DTNA: variants seen among roughly 807,000 people sequenced by gnomAD.
DTNA encodes dystrobrevin alpha.
DTNA carries 43 observed loss-of-function variants against 100.7 expected under a neutral mutation model. The observed-to-expected ratio is 0.43, with a 90% CI of 0.33 to 0.55. DTNA has a LOEUF of 0.55. Ranked by LOEUF, DTNA falls within the 20% of genes least tolerant of loss-of-function variation. DTNA has a pLI of 0.04. For missense variants in DTNA, 798 were observed against 953.9 expected (o/e 0.84, Z 2.15); for synonymous variants, 349 against 347.9 (o/e 1.00, Z -0.04).
At chr18:34,627,667 GC>G (rs2057508512) in intron 1 of DTNA, among the ~76,000 whole-genome samples, 1 of 152,072 alleles carries the variant, frequency 6.6e-6, no homozygotes, top group Admixed American at 6.6e-5. Context: ...TTTGTCCTTT[GC>G]CTCTCTTGGA....
chr18:34,708,893 CA>C (rs2082439908), upstream of DTNA, among the ~76,000 whole-genome samples: 1 of 152,148 alleles, frequency 6.6e-6, no homozygotes, highest in Non-Finnish European at 1.5e-5. Context: ...AGGAATTTTA[CA>C]GAAGAGTAAA....
chr18:34,845,576 T>C (rs2096362282), intron 13 of DTNA, among the ~76,000 whole-genome samples: 1 of 152,164 alleles, frequency 6.6e-6, no homozygotes, highest in Non-Finnish European at 1.5e-5. Flanking sequence ...CAAAACACTG[T>C]GTTGAATTAG....
intron 1 of DTNA, among the ~76,000 whole-genome samples, chr18:34,494,852 T>C (rs2039008220): frequency 6.6e-6 from 1 of 152,238 alleles, no homozygotes; most frequent in Non-Finnish European, 1.5e-5. Flanking sequence ...ACTTGTATTG[T>C]TGAAGTGTAC....
intron 1 of DTNA, chr18:34,493,838 GC>G (rs2038832388): frequency 6.7e-6 from 1 of 148,340 alleles, no homozygotes; most frequent in African/African-American, 2.4e-5. Context: ...TCGCCTCAAC[GC>G]CCACTCACGG....
chr18:34,779,468 G>A (rs1469027083), intron 3 of DTNA, among the ~76,000 whole-genome samples: 2 of 152,090 alleles, frequency 1.3e-5, no homozygotes, highest in Non-Finnish European at 2.9e-5. Flanking sequence ...AACTTATTTA[G>A]CTTTTTCCTT....
intron 4 of DTNA, among the ~76,000 whole-genome samples, chr18:34,797,787 T>G (rs752393929): frequency 2.6e-5 from 4 of 152,154 alleles, no homozygotes; most frequent in Non-Finnish European, 4.4e-5. Flanking sequence ...TTGATCACCT[T>G]TCCACAGGTC....
rs150998285 is a variant in DTNA, at chr18:34,848,225, CT to C, written c.1347-69del. On this transcript the variant is annotated intron_variant, in intron 13 of 22. Transcript: ENST00000444659. ...CAAAACATTGAAATAGTAAAAACTC[CT>C]TGTGGTAAAATGACTGCAGCAATCT... The C allele has an allele frequency of 2.6e-3, 3,881 of 1,471,590 alleles. 66 individuals are homozygous for C. In the African/African-American group the frequency reaches 0.048, roughly 18 times the overall value. 91.2% of individuals were successfully genotyped at this position (1,471,590 alleles called of 1,614,324 possible). A position where few individuals can be genotyped will look rare whatever the true frequency, so the allele number is the denominator to read the frequency against.
At chr18:34,869,782 G>A (rs1465900590) in intron 17 of DTNA, among the ~76,000 whole-genome samples, 1 of 152,224 alleles carries the variant, frequency 6.6e-6, no homozygotes, top group Admixed American at 6.5e-5. Flanking sequence ...AGCACTTTGG[G>A]AGGCCGAGGC....
intron 11 of DTNA, among the ~76,000 whole-genome samples, chr18:34,831,780 A>C (rs1435569278): frequency 6.6e-6 from 1 of 152,170 alleles, no homozygotes; most frequent in East Asian, 1.9e-4. Context: ...AAAAAATAAA[A>C]AATGATACTG....
chr18:34,797,828 T>C (rs1226023392), intron 4 of DTNA, among the ~76,000 whole-genome samples: 1 of 152,170 alleles, frequency 6.6e-6, no homozygotes, highest in East Asian at 1.9e-4. Flanking sequence ...TCTGCTATTG[T>C]CTTATAGTGC....
At chr18:34,528,565 A>G (rs182538667) in intron 1 of DTNA, among the ~76,000 whole-genome samples, 1 of 152,218 alleles carries the variant, frequency 6.6e-6, no homozygotes, top group Non-Finnish European at 1.5e-5. Context: ...CGAGTGTGTT[A>G]GGTTGAAATG....
chr18:34,531,415 A>G (rs1301288402), intron 1 of DTNA, among the ~76,000 whole-genome samples: 2 of 152,182 alleles, frequency 1.3e-5, no homozygotes, highest in Non-Finnish European at 2.9e-5. Context: ...GGACATGATT[A>G]CATAAGCTAT....
intron 1 of DTNA, among the ~76,000 whole-genome samples, chr18:34,713,410 C>T (rs916929296): frequency 6.6e-5 from 10 of 152,060 alleles, no homozygotes; most frequent in African/African-American, 1.9e-4. Context: ...GTTCAATAAG[C>T]GATAGAGGCT....
chr18:34,801,596 C>T (rs907842754), intron 4 of DTNA, among the ~76,000 whole-genome samples: 19 of 151,342 alleles, frequency 1.3e-4, no homozygotes, highest in African/African-American at 3.9e-4. Flanking sequence ...CTGCAATCTC[C>T]GCCTCCTGGG....
At chr18:34,871,786 T>C (rs2096768305) in intron 17 of DTNA, among the ~76,000 whole-genome samples, 1 of 152,204 alleles carries the variant, frequency 6.6e-6, no homozygotes, top group South Asian at 2.1e-4. Flanking sequence ...ATGCTCTGCA[T>C]CAAACTGGAC....
At chr18:34,866,202 G>T (rs1385714031) in intron 17 of DTNA, 2 of 1,613,826 alleles carry the variant, frequency 1.2e-6, no homozygotes, top group Admixed American at 1.7e-5. Context: ...TTTTCTCATT[G>T]CTTTTGCTCT....
intron 22 of DTNA, 81 bp downstream of exon 22, chr18:34,884,857 TTC>T (rs1302221242): frequency 1.4e-6 from 2 of 1,468,360 alleles, no homozygotes; most frequent in African/African-American, 2.8e-5. Flanking sequence ...TCACAATCAC[TTC>T]TCTTAGTCAT....
At chr18:34,754,088 C>T (rs2092603177) in intron 1 of DTNA, among the ~76,000 whole-genome samples, 1 of 152,128 alleles carries the variant, frequency 6.6e-6, no homozygotes, top group Admixed American at 6.5e-5. Flanking sequence ...TTAATATGTG[C>T]ACACTCTTCC....
Position 34,617,024 on chromosome 18 carries a change from A to C in DTNA, c.-2+123510A>C, listed in dbSNP as rs567471088. On this transcript the variant is annotated intron_variant, in intron 1 of 19. Coordinates refer to the DTNA transcript ENST00000283365. ...TTTATCATATCTAATATCTTTTGGG[A>C]AGAGTCTGTGGGTTTTTCTAAGTAT... is the stretch of plus-strand genomic sequence containing the variant. Among the ~76,000 whole-genome samples, 18 of 152,162 alleles carry C rather than the reference A, an allele frequency of 1.2e-4. No individual in the cohort carries two copies. The South Asian group carries it at 3.7e-3, about 32-fold the overall frequency.
Sources: gnomAD v4.1 joint callset for allele counts (sites outside exome capture counted in the v4.1 genomes callset) on GRCh38, gnomAD v4.1.1 for gene constraint, MANE v1.5 for transcripts, NCBI Gene and HGNC (gene_info 2026-07-23, HGNC 2026-07-21) for gene names.